Variants in CHCHD6 observed in about 807,000 individuals in gnomAD.
The protein encoded by CHCHD6 is MICOS complex subunit MIC25.
CHCHD6 carries 28 observed loss-of-function variants against 32.3 expected under a neutral mutation model. That is an observed-to-expected ratio of 0.87 (90% CI 0.64 to 1.19). The LOEUF (loss-of-function observed/expected upper bound fraction) is 1.19, where lower values mean the gene tolerates loss of function less well. CHCHD6 is among the 50% of genes most tolerant of loss of function. The pLI, the probability that CHCHD6 is intolerant of heterozygous loss-of-function variation, is 0.00. For missense variants in CHCHD6, 333 were observed against 307.0 expected, an observed-to-expected ratio of 1.08 and a Z score of -0.63; for synonymous variants, 122 against 117.5, an observed-to-expected ratio of 1.04 and a Z score of -0.25.
chr3:126,765,381 C>A (rs1219855859), intron 4 of CHCHD6, among the ~76,000 whole-genome samples: 2 of 152,200 alleles, frequency 1.3e-5, no homozygotes, highest in African/African-American at 4.8e-5. Context: ...CGAGCTCGGG[C>A]ACAGGCACTT....
At chr3:126,776,635 ACAG>A (rs1937661155) in intron 4 of CHCHD6, among the ~76,000 whole-genome samples, 1 of 152,244 alleles carries the variant, frequency 6.6e-6, no homozygotes. Flanking sequence ...GATAGCAACA[ACAG>A]CAATCATATT....
chr3:126,955,561 C>T (rs936047748), intron 6 of CHCHD6, among the ~76,000 whole-genome samples: 30 of 152,348 alleles, frequency 2.0e-4, no homozygotes, highest in African/African-American at 7.2e-4. Context: ...GCTCTCCCTT[C>T]ACATCCTTTA....
chr3:126,760,692 A>C (rs1414137297), intron 4 of CHCHD6, among the ~76,000 whole-genome samples: 1 of 152,246 alleles, frequency 6.6e-6, no homozygotes, highest in African/African-American at 2.4e-5. Context: ...TTTTAAAGCT[A>C]AACAATAGTC....
At chr3:126,753,018 C>T (rs1469980876) in intron 4 of CHCHD6, among the ~76,000 whole-genome samples, 1 of 152,154 alleles carries the variant, frequency 6.6e-6, no homozygotes, top group African/African-American at 2.4e-5. Flanking sequence ...ACTGCTTCCC[C>T]AGCTGGCAGA....
intron 5 of CHCHD6, among the ~76,000 whole-genome samples, chr3:126,900,489 T>C (rs1356106383): frequency 6.6e-6 from 1 of 152,142 alleles, no homozygotes; most frequent in Non-Finnish European, 1.5e-5. Flanking sequence ...CTAGCATCTG[T>C]TTCTGGGAAT....
intron 4 of CHCHD6, among the ~76,000 whole-genome samples, chr3:126,836,936 G>A (rs138827003): frequency 0.018 from 2,749 of 152,256 alleles, 32 homozygotes; most frequent in Middle Eastern, 0.051. Context: ...AATGGACATC[G>A]CTTTGGGCTT....
intron 1 of CHCHD6, among the ~76,000 whole-genome samples, chr3:126,723,389 A>G (rs1265675661): frequency 1.3e-5 from 2 of 152,198 alleles, no homozygotes; most frequent in African/African-American, 4.8e-5. Flanking sequence ...GCAGTTTTGT[A>G]GATTTCTCCT....
At chr3:126,763,822 A>T (rs1937253090) in intron 4 of CHCHD6, among the ~76,000 whole-genome samples, 1 of 152,206 alleles carries the variant, frequency 6.6e-6, no homozygotes, top group Non-Finnish European at 1.5e-5. Flanking sequence ...GAGGAAGTTG[A>T]GGAATTATGG....
intron 4 of CHCHD6, among the ~76,000 whole-genome samples, chr3:126,748,594 C>A (rs62263272): frequency 1.4e-5 from 2 of 139,712 alleles, no homozygotes; most frequent in African/African-American, 5.4e-5. Flanking sequence ...GACTACATCT[C>A]CAAAAAAAAA....
intron 4 of CHCHD6, among the ~76,000 whole-genome samples, chr3:126,850,433 T>A (rs747483044): frequency 1.1e-4 from 17 of 152,252 alleles, no homozygotes; most frequent in Non-Finnish European, 2.5e-4. Flanking sequence ...TGGCTAGGCA[T>A]CTTCACCCAA....
intron 5 of CHCHD6, among the ~76,000 whole-genome samples, chr3:126,875,324 T>C (rs951764321): frequency 6.6e-6 from 1 of 152,232 alleles, no homozygotes; most frequent in African/African-American, 2.4e-5. Context: ...CACCACAGGC[T>C]ATGCCAGGGA....
intron 5 of CHCHD6, among the ~76,000 whole-genome samples, chr3:126,903,896 TC>T (rs1346779579): frequency 1.3e-5 from 2 of 152,174 alleles, no homozygotes; most frequent in Non-Finnish European, 2.9e-5. Flanking sequence ...TAACACCCTC[TC>T]CCTGGCCTCA....
chr3:126,791,908 C>T (rs1403940723), intron 4 of CHCHD6, among the ~76,000 whole-genome samples: 6 of 152,184 alleles, frequency 3.9e-5, no homozygotes, highest in African/African-American at 1.4e-4. Flanking sequence ...ACCATGCTGG[C>T]CTCTACTTTC....
chr3:126,950,339 G>A (rs2078699294), intron 6 of CHCHD6, among the ~76,000 whole-genome samples: 1 of 152,184 alleles, frequency 6.6e-6, no homozygotes, highest in Admixed American at 6.5e-5. Flanking sequence ...CAAGAAGGGA[G>A]GTCTGCAGAG....
intron 5 of CHCHD6, among the ~76,000 whole-genome samples, chr3:126,882,882 G>A (rs2077629951): frequency 6.6e-6 from 1 of 152,198 alleles, no homozygotes; most frequent in African/African-American, 2.4e-5. Context: ...TCTTTGTGCT[G>A]TGAATGACTG....
intron 4 of CHCHD6, among the ~76,000 whole-genome samples, chr3:126,828,560 G>T (rs2107540383): frequency 1.3e-5 from 2 of 152,306 alleles, no homozygotes; most frequent in African/African-American, 4.8e-5. Flanking sequence ...TGTGTTGCAG[G>T]CCCGTCCTGT....
chr3:126,804,594 C>T (rs1049576350), intron 4 of CHCHD6, among the ~76,000 whole-genome samples: 23 of 152,236 alleles, frequency 1.5e-4, no homozygotes, highest in Admixed American at 1.4e-3. Context: ...CAAAAAGAGT[C>T]GAGGACCAGA....
intron 1 of CHCHD6, among the ~76,000 whole-genome samples, chr3:126,716,239 C>T (rs1257878563): frequency 4.6e-5 from 7 of 152,336 alleles, no homozygotes; most frequent in African/African-American, 7.2e-5. Flanking sequence ...GATGTTTTCA[C>T]GTCCCTGCCA....
intron 5 of CHCHD6, among the ~76,000 whole-genome samples, chr3:126,906,908 A>G (rs898573880): frequency 1.3e-5 from 2 of 152,162 alleles, no homozygotes; most frequent in Non-Finnish European, 2.9e-5. Flanking sequence ...CATCCATGTC[A>G]CAGCAGACGC....
Sources: allele counts gnomAD v4.1 joint callset (sites outside exome capture counted in the v4.1 genomes callset), GRCh38; gene constraint gnomAD v4.1.1; transcripts MANE v1.5; gene names NCBI Gene and HGNC (gene_info 2026-07-23, HGNC 2026-07-21).